Variants in CSMD1 observed in about 807,000 individuals in gnomAD.
CSMD1 encodes CUB and sushi domain-containing protein 1.
A neutral mutation model predicts 417.5 loss-of-function variants in CSMD1; 213 were observed. The ratio of observed to expected loss-of-function variants is 0.51; its 90% CI spans 0.46 to 0.57. CSMD1 has a LOEUF of 0.57. Among genes scored for constraint, CSMD1 ranks in the 20% least tolerant of loss-of-function variants. The pLI, the probability that CSMD1 is intolerant of heterozygous loss-of-function variation, is 0.00. For missense variants in CSMD1, 6,923 were observed against 4,529.7 expected (o/e 1.53, Z -15.17); for synonymous variants, 2,862 against 1,736.8 (o/e 1.65, Z -16.11).
At chr8:3,162,857 C>T (rs1316067696) in intron 37 of CSMD1, among the ~76,000 whole-genome samples, 1 of 152,150 alleles carries the variant, frequency 6.6e-6, no homozygotes, top group Admixed American at 6.5e-5. Flanking sequence ...TGTAATCCTG[C>T]ACTTTCCTAG....
chr8:3,217,440 G>A (rs564993174), intron 29 of CSMD1, among the ~76,000 whole-genome samples: 3 of 152,258 alleles, frequency 2.0e-5, no homozygotes, highest in Admixed American at 6.5e-5. Context: ...TTAGGATGCC[G>A]GGGAGAACAG....
chr8:3,475,738 C>T (rs559474614), intron 11 of CSMD1, among the ~76,000 whole-genome samples: 5 of 152,162 alleles, frequency 3.3e-5, no homozygotes, highest in Non-Finnish European at 7.3e-5. Context: ...GATTATTTCT[C>T]CAATTTCAAG....
chr8:3,881,354 G>A (rs1806190793), intron 5 of CSMD1, among the ~76,000 whole-genome samples: 1 of 151,134 alleles, frequency 6.6e-6, no homozygotes, highest in Non-Finnish European at 1.5e-5. Context: ...AGCAAGTTGG[G>A]GCCGGGTGCG....
chr8:2,945,433 C>G (rs769970267), intron 68 of CSMD1, among the ~76,000 whole-genome samples: 1 of 152,188 alleles, frequency 6.6e-6, no homozygotes, highest in African/African-American at 2.4e-5. Context: ...TGTCCAGGGA[C>G]ATTAAGGGTG....
chr8:4,277,253 G>C (rs1053755949), intron 3 of CSMD1, among the ~76,000 whole-genome samples: 2 of 151,606 alleles, frequency 1.3e-5, no homozygotes, highest in Non-Finnish European at 2.9e-5. Flanking sequence ...TAATCTTTAA[G>C]AATTTCTTAT....
chr8:3,621,076 A>G (rs1303177968), intron 7 of CSMD1, among the ~76,000 whole-genome samples: 2 of 152,204 alleles, frequency 1.3e-5, no homozygotes, highest in South Asian at 2.1e-4. Flanking sequence ...ATGTGAAGAC[A>G]CAAGAAGAGA....
chr8:4,860,842 T>G (rs1802087747), intron 1 of CSMD1, among the ~76,000 whole-genome samples: 1 of 152,134 alleles, frequency 6.6e-6, no homozygotes, highest in Non-Finnish European at 1.5e-5. Context: ...AGCATAATTA[T>G]TTCTGCGTAA....
At chr8:4,115,766 G>A (rs1219035064) in intron 3 of CSMD1, among the ~76,000 whole-genome samples, 1 of 151,806 alleles carries the variant, frequency 6.6e-6, no homozygotes, top group South Asian at 2.1e-4. Context: ...AAAGAAATAA[G>A]CTATCAAGCC....
intron 54 of CSMD1, among the ~76,000 whole-genome samples, chr8:2,986,982 C>G (rs2670078): frequency 0.17 from 26,557 of 152,010 alleles, 4,645 homozygotes; most frequent in African/African-American, 0.45. Flanking sequence ...TCTACACCAT[C>G]ATATTTACAT....
rs183145791 is a variant in CSMD1, at chr8:4,369,952, G to T, written c.415+50001C>A. ...TAGACATTTAACCCATTTACATTCT[G>T]GGTCAATACTGACACGTGAGAATTG... is the stretch of plus-strand genomic sequence containing the variant. On this transcript the variant is annotated intron_variant, in intron 3 of 69. Coordinates refer to ENST00000635120, the MANE Select transcript of CSMD1 (RefSeq NM_033225.6). 1.9e-3 allele frequency among the ~76,000 whole-genome samples: 286 copies of T among 152,136 alleles called. 2 individuals carry two copies. Among genetic ancestry groups the T allele is most frequent in the African/African-American group, 6.6e-3 (272 of 41,498 alleles).
chr8:4,763,961 G>A (rs1397128486), intron 1 of CSMD1, among the ~76,000 whole-genome samples: 1 of 152,136 alleles, frequency 6.6e-6, no homozygotes, highest in Non-Finnish European at 1.5e-5. Flanking sequence ...CTTATGACAT[G>A]TCAAAATATC....
chr8:4,784,323 T>C (rs867250222), intron 1 of CSMD1, among the ~76,000 whole-genome samples: 1 of 152,230 alleles, frequency 6.6e-6, no homozygotes, highest in Non-Finnish European at 1.5e-5. Flanking sequence ...TAGAAAAGCG[T>C]GTAGCATTCT....
At chr8:4,462,878 G>T (rs369419936) in intron 2 of CSMD1, among the ~76,000 whole-genome samples, 7 of 152,006 alleles carry the variant, frequency 4.6e-5, no homozygotes, top group Non-Finnish European at 8.8e-5. Context: ...GAAAATATAG[G>T]AGTAAATCTT....
At chr8:4,221,619 G>A (rs1274068412) in intron 3 of CSMD1, among the ~76,000 whole-genome samples, 2 of 152,118 alleles carry the variant, frequency 1.3e-5, no homozygotes, top group African/African-American at 4.8e-5. Context: ...TGAGAATAGT[G>A]AATAAGACAA....
At chr8:4,991,769 C>T (rs1811480361) in intron 1 of CSMD1, among the ~76,000 whole-genome samples, 1 of 152,174 alleles carries the variant, frequency 6.6e-6, no homozygotes, top group African/African-American at 2.4e-5. Context: ...GGCCAGAGCG[C>T]ACAAACGGCG....
chr8:3,650,691 A>G (rs1183667516), intron 7 of CSMD1, among the ~76,000 whole-genome samples: 2 of 152,206 alleles, frequency 1.3e-5, no homozygotes, highest in Middle Eastern at 3.2e-3. Flanking sequence ...TAAATTATCA[A>G]TGCTGGCTTC....
chr8:4,026,514 T>A (rs943499110), intron 4 of CSMD1, among the ~76,000 whole-genome samples: 1 of 152,172 alleles, frequency 6.6e-6, no homozygotes, highest in Non-Finnish European at 1.5e-5. Context: ...CTGGAGGATA[T>A]GTAAGCAAAA....
chr8:4,209,848 C>G (rs558122362), intron 3 of CSMD1, among the ~76,000 whole-genome samples: 1 of 152,118 alleles, frequency 6.6e-6, no homozygotes, highest in Non-Finnish European at 1.5e-5. Context: ...AAATAAGGAG[C>G]GGTTAATGCA....
chr8:4,204,087 C>G (rs969913262), intron 3 of CSMD1, among the ~76,000 whole-genome samples: 2 of 152,058 alleles, frequency 1.3e-5, no homozygotes, highest in African/African-American at 2.4e-5. Context: ...GGTGACAGAA[C>G]AAGACTCTGT....
Sources: gnomAD v4.1 joint callset for allele counts (sites outside exome capture counted in the v4.1 genomes callset) on GRCh38, gnomAD v4.1.1 for gene constraint, MANE v1.5 for transcripts, NCBI Gene and HGNC (gene_info 2026-07-23, HGNC 2026-07-21) for gene names.